The following INPPL1 variants were observed in gnomAD, a reference collection of about 807,000 sequenced individuals.
INPPL1 encodes inositol polyphosphate phosphatase like 1.
In INPPL1, 91 loss-of-function variants were observed where a neutral mutation model predicts 139.3. The ratio of observed to expected loss-of-function variants is 0.65; its 90% CI spans 0.55 to 0.78. The LOEUF is 0.78. Among genes scored for constraint, INPPL1 ranks in the 30% least tolerant of loss-of-function variants. The pLI is 0.00. For missense variants in INPPL1, 1,411 were observed against 1,665.6 expected (o/e 0.85, Z 2.66); for synonymous variants, 719 against 686.6 (o/e 1.05, Z -0.74).
chr11:72,235,516 G>T lies in INPPL1; in HGVS notation c.2659+65G>T. The T allele has an allele frequency of 6.3e-7, 1 of 1,577,688 alleles. No individual in the cohort carries two copies. Among genetic ancestry groups the T allele is most frequent in the Non-Finnish European group, 8.6e-7 (1 of 1,158,304 alleles). ...CAGATCAAGGAGGGCAGGGTGCGGGGGGCATGTTGGAATCTCTGGGATACC... is the reference window on the plus strand; with the variant it reads ...CAGATCAAGGAGGGCAGGGTGCGGGTGGCATGTTGGAATCTCTGGGATACC... On this transcript the variant is annotated intron_variant, in intron 23 of 27. Transcript: ENST00000298229. This position sits in a 1 kb window ranked among gnomAD's most constrained non-coding sequence, Gnocchi z 4.9.
At chr11:72,232,580 TGA>T in intron 14 of INPPL1, 44 bp from the exon 15 acceptor site, 1 of 1,604,642 alleles carries the variant, frequency 6.2e-7, no homozygotes, top group Non-Finnish European at 8.5e-7. Context: ...CTTCTGGCCC[TGA>T]CCCTGGGGAT....
In INPPL1 at chr11:72,228,505, C is replaced by G. The variant is rs768475256; in HGVS notation, c.397+7C>G. ...GATGACCGGGATGCCTCAGGTACTT[C>G]CCAGTGTGCAGGTCCCCTCCCTGCC... On this transcript the variant is annotated splice_region_variant and intron_variant, in intron 3 of 27. Transcript: ENST00000298229. This position sits in a 1 kb window ranked among gnomAD's most constrained non-coding sequence, Gnocchi z 5.0. 13 of 1,604,556 alleles carry G rather than the reference C, an allele frequency of 8.1e-6. No homozygotes were observed. The Admixed American group carries it at 2.2e-4, about 27-fold the overall frequency.
At position 72,233,065 on chromosome 11, in the gene INPPL1, C is replaced by G; in HGVS notation, c.1952-10C>G. ...GGCCCTGAACCCCACCTGTCTCCTG[C>G]TTTCCTTAGGTGAGGAGGAGATCTC... On this transcript the variant is annotated splice_polypyrimidine_tract_variant and intron_variant, in intron 16 of 27. Coordinates refer to ENST00000298229, the MANE Select transcript of INPPL1 (RefSeq NM_001567.4). The G allele has an allele frequency of 1.2e-6, 2 of 1,613,752 alleles. No homozygotes were observed. The highest frequency in any genetic ancestry group is 1.1e-5 in the South Asian group (1 of 91,068).
intron 12 of INPPL1, 101 bp from the exon 13 acceptor site, chr11:72,231,397 C>T: frequency 9.4e-7 from 1 of 1,065,044 alleles, no homozygotes; most frequent in Non-Finnish European, 1.4e-6. Flanking sequence ...GGTGGCAAGC[C>T]TTCCTACCCT....
In INPPL1 at chr11:72,232,635, A is replaced by G; in HGVS notation, c.1722A>G (p.Gln574=). The G allele has an allele frequency of 6.2e-7, 1 of 1,613,394 alleles. No individual in the cohort carries two copies. The highest frequency in any genetic ancestry group is 2.2e-5 in the East Asian group (1 of 44,822). Residue 574 remains glutamine (Q), a synonymous_variant, in exon 15 of 28, where the codon CAA becomes CAG. Transcript: ENST00000298229. ...GCACCCCTCACCCTAGGAGGAACCA[A>G]AACTACTTGGACATCCTGCGGCTGC... ...SGNEKTARRN[Q]NYLDILRLLS...
At chr11:72,233,814 A>G in intron 19 of INPPL1, 70 bp downstream of exon 19, 1 of 1,271,078 alleles carries the variant, frequency 7.9e-7, no homozygotes, top group African/African-American at 1.5e-5. Context: ...CTCGGGATGT[A>G]CATAGGTTTG....
In INPPL1 at chr11:72,234,470, G is replaced by A. The variant is rs138958741; in HGVS notation, c.2327-57G>A. 6.3e-7 allele frequency: 1 copy of A among 1,592,054 alleles called. No homozygotes were observed. Among genetic ancestry groups the A allele is most frequent in the Non-Finnish European group, 8.6e-7 (1 of 1,160,138 alleles). On this transcript the variant is annotated intron_variant, in intron 20 of 27. Transcript: ENST00000298229. The surrounding 1 kb of genome is among the most constrained non-coding windows in gnomAD (Gnocchi z 4.2). ...GAGGGTGCAGTCAGCCCCCTACTTA[G>A]GGGGAAAGGAAGCTGAGAGGTGGTG...
intron 12 of INPPL1, 41 bp from the exon 13 acceptor site, chr11:72,231,457 G>A: frequency 7.0e-7 from 1 of 1,434,746 alleles, no homozygotes; most frequent in Non-Finnish European, 9.8e-7. Context: ...TGCAGGCAGT[G>A]GGTGCAGCAG....
In INPPL1 at chr11:72,229,218, G is replaced by A. The variant is rs777010283; in HGVS notation, c.647G>A (p.Arg216Gln). The change falls in exon 5 of 28, where the codon CGG (arginine) becomes CAG (glutamine). Residue 216 changes from arginine to glutamine, a missense_variant. Physicochemically the swap from Arg to Gln is conservative, Grantham distance 43. Around this residue, in one of 5 missense-constraint regions of INPPL1, gnomAD observed 504 missense variants for 595.6 expected, o/e 0.85. Coordinates refer to ENST00000298229, the MANE Select transcript of INPPL1 (RefSeq NM_001567.4). ...HLTRTLATSC[R>Q]RLHSEVDKVL... ...ACCCGTACCCTCGCTACCTCATGCC[G>A]GAGGCTGCACAGGTATCTGGGACAT... is the stretch of plus-strand genomic sequence containing the variant. 26 of 1,609,398 alleles carry A rather than the reference G, an allele frequency of 1.6e-5. No homozygotes were observed. The highest frequency in any genetic ancestry group is 2.2e-5 in the East Asian group (1 of 44,840).
intron 1 of INPPL1, among the ~76,000 whole-genome samples, chr11:72,226,448 T>C (rs1042694958): frequency 6.6e-6 from 1 of 152,108 alleles, no homozygotes; most frequent in Non-Finnish European, 1.5e-5. Flanking sequence ...CTCAAAGTGC[T>C]AGGATTACAG....
chr11:72,237,057 C>T, intron 25 of INPPL1, 67 bp from the exon 26 acceptor site: 1 of 1,413,906 alleles, frequency 7.1e-7, no homozygotes, highest in Non-Finnish European at 9.6e-7. Flanking sequence ...GTTCTCCTTC[C>T]ACTGCTTCCA....
chr11:72,234,199 T>G lies in INPPL1; in HGVS notation c.2213-82T>G. 1 of 1,106,576 alleles carries G rather than the reference T, an allele frequency of 9.0e-7. No homozygotes were observed. Among genetic ancestry groups the G allele is most frequent in the Non-Finnish European group, 1.4e-6 (1 of 730,498 alleles). The allele number at this position is 1,106,576 out of a possible 1,614,324, so 68.5% of individuals were successfully genotyped here. ...TCCTTGCTCTGGACCCCTGATTTCC[T>G]GTCCCAGGGCCCTGTTTCTCTGTCC... On this transcript the variant is annotated intron_variant, in intron 19 of 27. Transcript: ENST00000298229. This position sits in a 1 kb window ranked among gnomAD's most constrained non-coding sequence, Gnocchi z 4.2.
rs761144423 is a variant in INPPL1, at chr11:72,238,111, A to T, written c.3622A>T (p.Ile1208Phe). Residue 1208 changes from isoleucine to phenylalanine, a missense_variant, in exon 27 of 28, where the codon ATC (isoleucine) becomes TTC (phenylalanine). Physicochemically the swap from Ile to Phe is conservative, Grantham distance 21. Around this residue, in one of 5 missense-constraint regions of INPPL1, gnomAD observed 438 missense variants for 425.7 expected, o/e 1.03. Coordinates refer to ENST00000298229, the MANE Select transcript of INPPL1 (RefSeq NM_001567.4). Reference sequence around the variant, plus strand: ...AGGCATGAGTGCCTGGCTGCGGGCCATCGGCTTGGAGCGCTATGAGGAGGG... The same window carrying T: ...AGGCATGAGTGCCTGGCTGCGGGCCTTCGGCTTGGAGCGCTATGAGGAGGG... ...EAGMSAWLRA[I>F]GLERYEEGLV... 1.4e-5 allele frequency: 22 copies of T among 1,579,020 alleles called. No homozygotes were observed. Among genetic ancestry groups the T allele is most frequent in the Non-Finnish European group, 1.7e-6 (2 of 1,162,488 alleles).
At chr11:72,227,796 C>T (rs778926139) in intron 1 of INPPL1, 11 of 295,580 alleles carry the variant, frequency 3.7e-5, no homozygotes, top group East Asian at 2.5e-4. Flanking sequence ...GCACGTTGCC[C>T]GTGTGTGCAA....
chr11:72,234,555 C>T lies in INPPL1; in HGVS notation c.2355C>T (p.Ala785=), dbSNP rs1207962646. 1.2e-6 allele frequency: 2 copies of T among 1,613,416 alleles called. No individual in the cohort carries two copies. Among genetic ancestry groups the T allele is most frequent in the East Asian group, 2.2e-5 (1 of 44,844 alleles). ...ACAAGAAGAGCTTTGAGAATGATGC[C>T]CAGAGCAGTGACAACATCAACTTCC... ...EEYKKSFEND[A]QSSDNINFLK... The change falls in exon 21 of 28, where the codon GCC becomes GCT. Residue 785 remains alanine (A), a synonymous_variant. Coordinates refer to ENST00000298229, the MANE Select transcript of INPPL1 (RefSeq NM_001567.4). The surrounding 1 kb of genome is among the most constrained non-coding windows in gnomAD (Gnocchi z 4.2).
chr11:72,235,504 G>C lies in INPPL1; in HGVS notation c.2659+53G>C. The C allele has an allele frequency of 6.3e-7, 1 of 1,591,166 alleles. No homozygotes were observed. The highest frequency in any genetic ancestry group is 2.2e-5 in the East Asian group (1 of 44,770). On this transcript the variant is annotated intron_variant, in intron 23 of 27. Coordinates refer to ENST00000298229, the MANE Select transcript of INPPL1 (RefSeq NM_001567.4). This position sits in a 1 kb window ranked among gnomAD's most constrained non-coding sequence, Gnocchi z 4.9. ...GGGTGGTGTGAACAGATCAAGGAGG[G>C]CAGGGTGCGGGGGGCATGTTGGAAT... is the stretch of plus-strand genomic sequence containing the variant.
At chr11:72,232,601 C>T (rs71477719) in intron 14 of INPPL1, 25 bp from the exon 15 acceptor site, 6 of 1,610,886 alleles carry the variant, frequency 3.7e-6, no homozygotes, top group Non-Finnish European at 5.1e-6. Flanking sequence ...ATCTACCCCT[C>T]CCCACCACGC....
chr11:72,237,392 C>A lies in INPPL1; in HGVS notation c.3148C>A (p.Pro1050Thr), dbSNP rs749947687. 3 of 1,613,484 alleles carry A rather than the reference C, an allele frequency of 1.9e-6. No individual in the cohort carries two copies. The highest frequency in any genetic ancestry group is 2.5e-6 in the Non-Finnish European group (3 of 1,179,834). Residue 1050 changes from proline (P) to threonine (T), a missense_variant, in exon 26 of 28, where the codon CCT becomes ACT. Pro to Thr is a conservative substitution (Grantham distance 38). This residue lies in a region of INPPL1 where 438 missense variants were observed against 425.7 expected (regional missense o/e 1.03). Coordinates refer to ENST00000298229, the MANE Select transcript of INPPL1 (RefSeq NM_001567.4). ...TGAGGAGTCTGGAGGCACACTGCCC[C>A]CTCCAGACTTTCCACCTCCACCACT... ...SDEESGGTLP[P>T]PDFPPPPLPD... is the part of the protein sequence containing the mutation.
chr11:72,235,471 A>G lies in INPPL1; in HGVS notation c.2659+20A>G, dbSNP rs777171101. 6 of 1,608,992 alleles carry G rather than the reference A, an allele frequency of 3.7e-6. No homozygotes were observed. The highest frequency in any genetic ancestry group is 1.6e-4 in the Middle Eastern group (1 of 6,064). ...TCTACGGTGGGGACTCCACTGGGAC[A>G]TGAGATAGGGTGGTGTGAACAGATC... On this transcript the variant is annotated intron_variant, in intron 23 of 27. Coordinates refer to ENST00000298229, the MANE Select transcript of INPPL1 (RefSeq NM_001567.4). The surrounding 1 kb of genome is among the most constrained non-coding windows in gnomAD (Gnocchi z 4.9).
Sources: gnomAD v4.1 joint callset for allele counts (sites outside exome capture counted in the v4.1 genomes callset) on GRCh38, gnomAD v4.1.1 for gene constraint, gnomAD v4.1.1 regional missense constraint, Gnocchi (gnomAD v3.1) non-coding constraint, MANE v1.5 for transcripts, NCBI Gene and HGNC (gene_info 2026-07-23, HGNC 2026-07-21) for gene names.